Variants in PCDHA11 observed in about 807,000 individuals in gnomAD.
PCDHA11 encodes protocadherin alpha 11.
In PCDHA11, 61 loss-of-function variants were observed where a neutral mutation model predicts 70.3. The observed-to-expected ratio is 0.87, with a 90% CI of 0.71 to 1.07. The LOEUF is 1.07. PCDHA11 is among the 50% of genes least tolerant of loss of function. The pLI is 0.00. For missense variants in PCDHA11, 1,324 were observed against 1,237.5 expected, an observed-to-expected ratio of 1.07 and a Z score of -1.05; for synonymous variants, 633 against 555.1, an observed-to-expected ratio of 1.14 and a Z score of -1.97.
At chr5:140,993,032 G>A (rs1356944264) in intron 3 of PCDHA11, among the ~76,000 whole-genome samples, 2 of 152,286 alleles carry the variant, frequency 1.3e-5, no homozygotes, top group South Asian at 2.1e-4. Flanking sequence ...TGTGGGCTCC[G>A]TGTGTCATCA....
chr5:140,942,448 A>C (rs140426253), intron 1 of PCDHA11, among the ~76,000 whole-genome samples: 3,563 of 152,146 alleles, frequency 0.023, 50 homozygotes, highest in Middle Eastern at 0.034. Flanking sequence ...CAAGTAAACT[A>C]TCAATTATAA....
At chr5:140,934,574 A>G in intron 1 of PCDHA11, among the ~76,000 whole-genome samples, 1 of 152,124 alleles carries the variant, frequency 6.6e-6, no homozygotes, top group Non-Finnish European at 1.5e-5. Flanking sequence ...AATTAATTGT[A>G]ACATTTCTGT....
chr5:140,982,998 GAAAGAA>G (rs1469608645), intron 3 of PCDHA11, among the ~76,000 whole-genome samples: 10 of 151,726 alleles, frequency 6.6e-5, no homozygotes, highest in Admixed American at 5.2e-4. Context: ...AAGAAGGAAA[GAAAGAA>G]AAAGGAAGGA....
intron 1 of PCDHA11, among the ~76,000 whole-genome samples, chr5:140,923,268 G>C (rs2081286092): frequency 6.6e-6 from 1 of 152,154 alleles, no homozygotes; most frequent in Non-Finnish European, 1.5e-5. Context: ...GTGAGACCTT[G>C]TCTCTACAAA....
chr5:140,894,584 T>G (rs1554186162), intron 1 of PCDHA11, among the ~76,000 whole-genome samples: 1 of 152,006 alleles, frequency 6.6e-6, no homozygotes, highest in Non-Finnish European at 1.5e-5. Flanking sequence ...TTTTAATATT[T>G]TACTGAGTTT....
intron 1 of PCDHA11, among the ~76,000 whole-genome samples, chr5:140,885,682 A>G (rs1367880744): frequency 6.6e-6 from 1 of 152,194 alleles, no homozygotes; most frequent in Non-Finnish European, 1.5e-5. Flanking sequence ...TTCTATCTCA[A>G]GAAGCAATAG....
chr5:140,973,782 C>T lies in PCDHA11; in HGVS notation c.2392-5167C>T, dbSNP rs533593200. ...CACAGCCTGGCATATTATAGGTTGCCTATTGGCATGCTGTCTACTTGACAG... is the reference window on the plus strand; with the variant it reads ...CACAGCCTGGCATATTATAGGTTGCTTATTGGCATGCTGTCTACTTGACAG... On this transcript the variant is annotated intron_variant, in intron 1 of 3. Transcript: ENST00000398640. 1.5e-3 allele frequency among the ~76,000 whole-genome samples: 225 copies of T among 152,326 alleles called. 1 individual carries two copies. Among genetic ancestry groups the T allele is most frequent in the African/African-American group, 5.2e-3 (216 of 41,582 alleles).
intron 1 of PCDHA11, among the ~76,000 whole-genome samples, chr5:140,893,180 C>G (rs1388898676): frequency 6.6e-6 from 1 of 152,208 alleles, no homozygotes; most frequent in Non-Finnish European, 1.5e-5. Context: ...CACATAGTAG[C>G]TATTGTGAAT....
At chr5:140,916,665 G>A (rs1166692195) in intron 1 of PCDHA11, among the ~76,000 whole-genome samples, 2 of 152,184 alleles carry the variant, frequency 1.3e-5, no homozygotes, top group Non-Finnish European at 2.9e-5. Flanking sequence ...CAAGATGCAA[G>A]ACAAAGTCCT....
At chr5:140,911,160 G>A (rs1226577638) in intron 1 of PCDHA11, among the ~76,000 whole-genome samples, 1 of 152,086 alleles carries the variant, frequency 6.6e-6, no homozygotes, top group African/African-American at 2.4e-5. Context: ...AGACAAATGT[G>A]GAAAGGCTGA....
chr5:140,966,903 A>G (rs1554228870), intron 1 of PCDHA11: 2 of 1,599,926 alleles, frequency 1.3e-6, no homozygotes, highest in South Asian at 2.2e-5. Context: ...CAGCTGCGAT[A>G]CTCTGTGCCA....
Position 140,870,122 on chromosome 5 carries a change from T to G in PCDHA11, c.1019T>G (p.Leu340Trp). ...CACTGTACAGTCTGGGTGGAAATCTTGGACACCAACGATAACTCTCCTGAA... is the reference window on the plus strand; with the variant it reads ...CACTGTACAGTCTGGGTGGAAATCTGGGACACCAACGATAACTCTCCTGAA... ...AGHCTVWVEI[L>W]DTNDNSPEVA... Residue 340 changes from leucine (L) to tryptophan (W), a missense_variant, in exon 1 of 4, where the codon TTG becomes TGG. Transcript: ENST00000398640. The G allele has an allele frequency of 6.2e-7, 1 of 1,613,956 alleles. No individual in the cohort carries two copies.
chr5:140,979,585 G>T (rs1486792990), intron 2 of PCDHA11, among the ~76,000 whole-genome samples: 1 of 152,156 alleles, frequency 6.6e-6, no homozygotes, highest in Non-Finnish European at 1.5e-5. Context: ...TCCAAATCTA[G>T]CTTACTTTAA....
chr5:140,905,396 C>T (rs913640299), intron 1 of PCDHA11, among the ~76,000 whole-genome samples: 1 of 152,080 alleles, frequency 6.6e-6, no homozygotes, highest in Non-Finnish European at 1.5e-5. Flanking sequence ...GGTCTGTGTG[C>T]CTATTTTTAT....
At chr5:140,967,014 G>T in intron 1 of PCDHA11, 1 of 1,606,958 alleles carries the variant, frequency 6.2e-7, no homozygotes, top group Non-Finnish European at 8.5e-7. Flanking sequence ...AACCATCTGG[G>T]TGCGCCCAGT....
intron 1 of PCDHA11, among the ~76,000 whole-genome samples, chr5:140,975,996 C>G (rs923472287): frequency 4.6e-5 from 7 of 152,064 alleles, no homozygotes; most frequent in African/African-American, 1.7e-4. Flanking sequence ...GAGGTACCAT[C>G]TAAGTATTAA....
rs552517946 is a variant in PCDHA11 at position 140,913,359 on chromosome 5, A to G, written c.2391+41865A>G. Reference sequence around the variant, plus strand: ...TTTATCCATTTCCTCTAGATTTTTAAATTTATTGGCATATAGTGGCTCATC... The same window carrying G: ...TTTATCCATTTCCTCTAGATTTTTAGATTTATTGGCATATAGTGGCTCATC... On this transcript the variant is annotated intron_variant, in intron 1 of 3. Coordinates refer to ENST00000398640, the MANE Select transcript of PCDHA11 (RefSeq NM_018902.5). Among the ~76,000 whole-genome samples, 4 of 152,082 alleles carry G rather than the reference A, an allele frequency of 2.6e-5. No homozygotes were observed. In the East Asian group the frequency reaches 7.7e-4, roughly 29 times the overall value.
At chr5:140,975,978 A>T (rs964939685) in intron 1 of PCDHA11, among the ~76,000 whole-genome samples, 1 of 152,142 alleles carries the variant, frequency 6.6e-6, no homozygotes, top group African/African-American at 2.4e-5. Context: ...AAGTAAGCAT[A>T]GTCCTGGGAG....
chr5:140,928,989 A>C (rs1554206541), intron 1 of PCDHA11: 2 of 1,613,706 alleles, frequency 1.2e-6, no homozygotes, highest in Non-Finnish European at 1.7e-6. Flanking sequence ...TGGGGTGCTT[A>C]CTTTTCTTCG....
Sources: allele counts gnomAD v4.1 joint callset (sites outside exome capture counted in the v4.1 genomes callset), GRCh38; gene constraint gnomAD v4.1.1; transcripts MANE v1.5; gene names NCBI Gene and HGNC (gene_info 2026-07-23, HGNC 2026-07-21).